KIF26B: variants seen among roughly 807,000 people sequenced by gnomAD.
KIF26B encodes the protein kinesin-like protein KIF26B.
KIF26B carries 63 observed loss-of-function variants against 151.2 expected under a neutral mutation model. The observed-to-expected ratio is 0.42, with a 90% confidence interval of 0.34 to 0.51. KIF26B has a LOEUF of 0.51. Ranked by LOEUF, KIF26B falls within the 20% of genes least tolerant of loss-of-function variation. The probability of loss-of-function intolerance (pLI) is 0.07; values close to 1 mark genes in which losing one functional copy is unlikely to be tolerated. For missense variants in KIF26B, 2,813 were observed against 2,913.6 expected, an observed-to-expected ratio of 0.97 and a Z score of 0.79; for synonymous variants, 1,357 against 1,262.1, an observed-to-expected ratio of 1.08 and a Z score of -1.59.
chr1:245,243,445 T>C (rs12736628), intron 2 of KIF26B, among the ~76,000 whole-genome samples: 119,343 of 145,730 alleles, frequency 0.82, 48,880 homozygotes, highest in South Asian at 0.87. Context: ...CATATATATA[T>C]ATACACACAC....
chr1:245,306,665 A>G (rs1671561028), intron 2 of KIF26B, among the ~76,000 whole-genome samples: 1 of 152,114 alleles, frequency 6.6e-6, no homozygotes, highest in Admixed American at 6.5e-5. Flanking sequence ...CCCACCATCT[A>G]TACATTTGTA....
rs370652873 is a variant in KIF26B, at chr1:245,235,824, CG to C, written c.465+79144del. 1.6e-3 allele frequency among the ~76,000 whole-genome samples: 241 copies of C among 152,106 alleles called. 2 individuals carry two copies. Among genetic ancestry groups the C allele is most frequent in the African/African-American group, 5.6e-3 (231 of 41,472 alleles). Reference sequence around the variant, plus strand: ...ATTTTAAGACATGAGAGTGAAATACCGGGTTTGTCATTTGCATAAGTTTTTG... The same window carrying C: ...ATTTTAAGACATGAGAGTGAAATACCGGTTTGTCATTTGCATAAGTTTTTG... On this transcript the variant is annotated intron_variant, in intron 2 of 14. Coordinates refer to ENST00000407071, the MANE Select transcript of KIF26B (RefSeq NM_018012.4).
At chr1:245,243,339 T>C (rs1434682342) in intron 2 of KIF26B, among the ~76,000 whole-genome samples, 1 of 152,066 alleles carries the variant, frequency 6.6e-6, no homozygotes, top group Non-Finnish European at 1.5e-5. Context: ...TGTTTCCCCT[T>C]CCATGACCTA....
At chr1:245,588,076 G>C (rs2043246340) in intron 5 of KIF26B, among the ~76,000 whole-genome samples, 2 of 152,128 alleles carry the variant, frequency 1.3e-5, no homozygotes, top group Admixed American at 1.3e-4. Flanking sequence ...GCTCCCCTCA[G>C]CCTCCTCCAC....
chr1:245,420,375 G>A lies in KIF26B; in HGVS notation c.1166+630G>A, dbSNP rs1022112376. ...GCGGGAGACGAAGGACAGCTGAGCA[G>A]GAAAGGACTTCAGGGATTGTCTGGT... On this transcript the variant is annotated intron_variant, in intron 4 of 14. Transcript: ENST00000407071. Among the ~76,000 whole-genome samples, 4 of 152,356 alleles carry A rather than the reference G, an allele frequency of 2.6e-5. No homozygotes were observed. The East Asian group carries it at 5.8e-4, about 22-fold the overall frequency.
chr1:245,472,121 A>G (rs1370381086), intron 4 of KIF26B, among the ~76,000 whole-genome samples: 4 of 152,188 alleles, frequency 2.6e-5, no homozygotes, highest in Admixed American at 2.6e-4. Context: ...AGGGATATAG[A>G]CAATAAACAA....
chr1:245,673,435 C>A (rs1322965373), intron 10 of KIF26B, among the ~76,000 whole-genome samples: 3 of 151,766 alleles, frequency 2.0e-5, no homozygotes, highest in East Asian at 1.9e-4. Flanking sequence ...AGGCCCAGTC[C>A]CCGCTGCGCG....
chr1:245,273,687 T>A (rs1032058612), intron 2 of KIF26B, among the ~76,000 whole-genome samples: 2 of 152,248 alleles, frequency 1.3e-5, no homozygotes, highest in African/African-American at 4.8e-5. Context: ...TCATCCCTGC[T>A]GTCTTTTGGT....
chr1:245,559,933 C>T (rs2789360), intron 5 of KIF26B, among the ~76,000 whole-genome samples: 4,930 of 151,526 alleles, frequency 0.033, 310 homozygotes, highest in African/African-American at 0.11. Context: ...AGACAGATTT[C>T]AGTGGTGCAT....
In KIF26B at chr1:245,698,231, G is replaced by A. The variant is rs548840389; in HGVS notation, c.5950G>A (p.Gly1984Arg). Reference sequence around the variant, plus strand: ...CTTGCGGAGCAGCCCGAGGGGCCTTGGGGAACCCTTTGAGATTAAAGTCTA... The same window carrying A: ...CTTGCGGAGCAGCCCGAGGGGCCTTAGGGAACCCTTTGAGATTAAAGTCTA... ...GPLRSSPRGL[G>R]EPFEIKVYEI... The change falls in exon 13 of 15, where the codon GGG (glycine) becomes AGG (arginine). Residue 1984 changes from glycine (G) to arginine (R), a missense_variant. Transcript: ENST00000407071. This position sits in a 1 kb window ranked among gnomAD's most constrained non-coding sequence, Gnocchi z 4.0. 7 of 1,613,890 alleles carry A rather than the reference G, an allele frequency of 4.3e-6. No individual in the cohort carries two copies. Among genetic ancestry groups the A allele is most frequent in the Non-Finnish European group, 5.9e-6 (7 of 1,179,912 alleles).
chr1:245,257,138 A>C (rs932851405), intron 2 of KIF26B, among the ~76,000 whole-genome samples: 11 of 152,270 alleles, frequency 7.2e-5, no homozygotes, highest in African/African-American at 2.4e-4. Flanking sequence ...CTTTAGATAA[A>C]CTCAACCAAT....
chr1:245,155,571 C>A, intron 1 of KIF26B, 84 bp downstream of exon 1: 1 of 1,232,932 alleles, frequency 8.1e-7, no homozygotes, highest in East Asian at 2.7e-5. Context: ...CGTGCGGCCC[C>A]GGCCCCGAGC....
chr1:245,463,402 G>T (rs1254089195), intron 4 of KIF26B, among the ~76,000 whole-genome samples: 1 of 152,156 alleles, frequency 6.6e-6, no homozygotes, highest in African/African-American at 2.4e-5. Context: ...CCTCCCATGG[G>T]AACCTCCCAT....
intron 3 of KIF26B, among the ~76,000 whole-genome samples, chr1:245,403,583 C>T (rs55840188): frequency 0.049 from 7,443 of 151,606 alleles, 636 homozygotes; most frequent in African/African-American, 0.17. Flanking sequence ...CACGTGCATG[C>T]GTGTGTGTGC....
At chr1:245,497,580 T>C (rs1660538605) in intron 4 of KIF26B, among the ~76,000 whole-genome samples, 1 of 152,090 alleles carries the variant, frequency 6.6e-6, no homozygotes, top group African/African-American at 2.4e-5. Flanking sequence ...TTTCAGACAA[T>C]AGTTTGAAAT....
At chr1:245,584,811 T>C (rs985018082) in intron 5 of KIF26B, among the ~76,000 whole-genome samples, 14 of 152,212 alleles carry the variant, frequency 9.2e-5, no homozygotes, top group Non-Finnish European at 1.8e-4. Flanking sequence ...AGCCTATTGA[T>C]CCTTCCTAAG....
chr1:245,189,748 C>A (rs1669064340), intron 2 of KIF26B, among the ~76,000 whole-genome samples: 1 of 152,206 alleles, frequency 6.6e-6, no homozygotes, highest in Admixed American at 6.5e-5. Flanking sequence ...TGAAGGCAGT[C>A]ATATTAGTCT....
chr1:245,328,012 C>T (rs1226922400), intron 2 of KIF26B, among the ~76,000 whole-genome samples: 2 of 152,050 alleles, frequency 1.3e-5, no homozygotes, highest in Non-Finnish European at 2.9e-5. Context: ...TGCACTTAGC[C>T]AGCATGAAGG....
chr1:245,250,896 C>T (rs1670430719), intron 2 of KIF26B, among the ~76,000 whole-genome samples: 1 of 152,196 alleles, frequency 6.6e-6, no homozygotes, highest in Admixed American at 6.5e-5. Flanking sequence ...GCTCAAGAGG[C>T]TCAGCCTATA....
Sources: allele counts gnomAD v4.1 joint callset (sites outside exome capture counted in the v4.1 genomes callset), GRCh38; gene constraint gnomAD v4.1.1; non-coding constraint Gnocchi (gnomAD v3.1); transcripts MANE v1.5; gene names NCBI Gene and HGNC (gene_info 2026-07-23, HGNC 2026-07-21).